Variants in ANK2 observed in about 807,000 individuals in gnomAD.
ANK2 encodes ankyrin 2.
A neutral mutation model predicts 360.5 loss-of-function variants in ANK2; 83 were observed. The observed-to-expected ratio is 0.23, with a 90% confidence interval of 0.19 to 0.28. The LOEUF (loss-of-function observed/expected upper bound fraction) is 0.28, where lower values mean the gene tolerates loss of function less well. Ranked by LOEUF, ANK2 falls within the 10% of genes least tolerant of loss-of-function variation. ANK2 has a pLI of 1.00. For synonymous variants in ANK2, 1,740 were observed against 1,759.5 expected (o/e 0.99, Z 0.28); for missense variants, 4,201 against 4,795.7 (o/e 0.88, Z 3.66).
Position 113,049,805 on chromosome 4 carries a change from C to G in ANK2, c.77C>G (p.Pro26Arg). The change falls in exon 1 of 46, where the codon CCC becomes CGC. Residue 26 changes from proline (P) to arginine (R), a missense_variant. This residue lies in a region of ANK2 where 169 missense variants were observed against 191.1 expected (regional missense o/e 0.88). Transcript: ENST00000357077. The stretch of plus-strand genomic sequence containing the variant: ...GGCAGTAGTCAGAGGAGAAAAAGAC[C>G]CAAGAAGGTAAATCGCCGGAATTAG... ...FNGSSQRRKRPKKSDSNASFL... is the reference protein window; with the variant it reads ...FNGSSQRRKRRKKSDSNASFL... 3.1e-6 allele frequency: 5 copies of G among 1,613,604 alleles called. No homozygotes were observed. The highest frequency in any genetic ancestry group is 4.2e-6 in the Non-Finnish European group (5 of 1,179,754).
intron 2 of ANK2, among the ~76,000 whole-genome samples, chr4:113,014,889 C>T (rs1418566988): frequency 3.4e-5 from 4 of 119,150 alleles, no homozygotes; most frequent in Non-Finnish European, 4.8e-5. Context: ...GACGGAGTCT[C>T]GCTCTGTCAC....
chr4:112,754,477 CGTT>C, the ANK2 span, among the ~76,000 whole-genome samples: 1 of 147,986 alleles, frequency 6.8e-6, no homozygotes, highest in Non-Finnish European at 1.5e-5. Flanking sequence ...GTTGGGTCCT[CGTT>C]GTTTTTGTTG....
chr4:112,729,168 A>C, the ANK2 span, among the ~76,000 whole-genome samples: 1 of 151,938 alleles, frequency 6.6e-6, no homozygotes, highest in South Asian at 2.1e-4. Context: ...ACTACACTCC[A>C]GCCTGGGTGA....
At chr4:112,728,679 G>A in the ANK2 span, among the ~76,000 whole-genome samples, 1 of 151,968 alleles carries the variant, frequency 6.6e-6, no homozygotes, top group African/African-American at 2.4e-5. Context: ...CTGAGCCCCG[G>A]GGAGTTGAGG....
chr4:112,716,601 CCGGA>C, the ANK2 span, among the ~76,000 whole-genome samples: 13 of 152,084 alleles, frequency 8.5e-5, no homozygotes, highest in African/African-American at 3.1e-4. Context: ...ATTGCCCAGG[CCGGA>C]GTGCAGCGAT....
rs574610433 is a variant in ANK2, at chr4:112,968,871, A to G, written c.21+64357A>G. Among the ~76,000 whole-genome samples, 18 of 152,196 alleles carry G rather than the reference A, an allele frequency of 1.2e-4. 1 individual carries two copies. In the South Asian group the frequency reaches 3.3e-3, roughly 28 times the overall value. ...TTTTATTGATTGTTTATACCATTTT[A>G]ATTTGGTAATAGATCCCTAGAGAAA... On this transcript the variant is annotated intron_variant, in intron 2 of 30. Coordinates refer to the ANK2 transcript ENST00000503271.
At chr4:112,993,552 C>T (rs1451323154) in intron 2 of ANK2, among the ~76,000 whole-genome samples, 2 of 151,906 alleles carry the variant, frequency 1.3e-5, no homozygotes, top group Non-Finnish European at 2.9e-5. Context: ...ATGATCCACC[C>T]GCCTCGGCCT....
intron 2 of ANK2, among the ~76,000 whole-genome samples, chr4:112,950,073 T>G (rs2094834785): frequency 6.6e-6 from 1 of 152,206 alleles, no homozygotes; most frequent in Non-Finnish European, 1.5e-5. Flanking sequence ...TTCTTCACAA[T>G]TTTTGTAAAC....
intron 31 of ANK2, among the ~76,000 whole-genome samples, chr4:113,338,862 T>A (rs2093923138): frequency 6.6e-6 from 1 of 152,126 alleles, no homozygotes; most frequent in African/African-American, 2.4e-5. Flanking sequence ...TGTTCACTGT[T>A]TTAACAAACT....
chr4:113,034,792 T>A (rs1412486697), intron 2 of ANK2: 1 of 152,004 alleles, frequency 6.6e-6, no homozygotes, highest in Admixed American at 6.6e-5. Flanking sequence ...GAAATTCATT[T>A]TCCTATGGAA....
At chr4:112,762,161 T>C in the ANK2 span, among the ~76,000 whole-genome samples, 1 of 152,200 alleles carries the variant, frequency 6.6e-6, no homozygotes. Flanking sequence ...GTTTGCCATA[T>C]TGAAAGCTCA....
chr4:112,788,129 T>C, the ANK2 span: 4 of 1,580,928 alleles, frequency 2.5e-6, no homozygotes, highest in Admixed American at 3.3e-5. Flanking sequence ...CTTTTCGAGC[T>C]TGGCAATGCG....
intron 2 of ANK2, among the ~76,000 whole-genome samples, chr4:113,005,637 C>T (rs1425255911): frequency 6.6e-6 from 1 of 152,088 alleles, no homozygotes; most frequent in Admixed American, 6.6e-5. Flanking sequence ...TACAAACATA[C>T]AGTTAGATAG....
chr4:113,258,468 T>C (rs2153635475), intron 13 of ANK2, 57 bp downstream of exon 13: 2 of 1,525,846 alleles, frequency 1.3e-6, no homozygotes, highest in Admixed American at 1.7e-5. Context: ...GGAACAGAGA[T>C]TGTGGGTGTG....
intron 2 of ANK2, among the ~76,000 whole-genome samples, chr4:112,976,945 G>A (rs1302062100): frequency 1.3e-5 from 2 of 152,162 alleles, no homozygotes; most frequent in Non-Finnish European, 2.9e-5. Context: ...AGCATCTAGC[G>A]CTGGGGTTTG....
At chr4:112,850,502 G>GTTTTTTTTTTTTTT (rs1211226104) in intron 1 of ANK2, among the ~76,000 whole-genome samples, 1 of 16,428 alleles carries the variant, frequency 6.1e-5, no homozygotes, top group African/African-American at 2.8e-4. Context: ...TCCTGTGCTA[G>GTTTTTTTTTTTTTT]TCTTTTTTTT....
intron 2 of ANK2, among the ~76,000 whole-genome samples, chr4:112,991,989 C>T (rs753594098): frequency 1.3e-5 from 2 of 152,046 alleles, no homozygotes; most frequent in African/African-American, 2.4e-5. Context: ...TACGTATTCT[C>T]TGAGAAGATG....
chr4:112,950,337 T>C (rs987835688), intron 2 of ANK2, among the ~76,000 whole-genome samples: 2 of 152,210 alleles, frequency 1.3e-5, no homozygotes, highest in African/African-American at 4.8e-5. Context: ...TATTTTCCTA[T>C]TGTATTAAGA....
intron 2 of ANK2, among the ~76,000 whole-genome samples, chr4:113,013,830 T>G (rs2055618495): frequency 1.3e-5 from 2 of 152,226 alleles, no homozygotes; most frequent in Non-Finnish European, 2.9e-5. Context: ...ATATCTGCTT[T>G]GTCCTATTCC....
Sources: allele counts gnomAD v4.1 joint callset (sites outside exome capture counted in the v4.1 genomes callset), GRCh38; gene constraint gnomAD v4.1.1; regional missense constraint gnomAD v4.1.1; transcripts MANE v1.5; gene names NCBI Gene and HGNC (gene_info 2026-07-23, HGNC 2026-07-21).